B3GALT1: variants seen among roughly 807,000 people sequenced by gnomAD.
The protein encoded by B3GALT1 is UDP-Gal:betaGlcNAc beta 1,3-galactosyltransferase, polypeptide 1.
In B3GALT1, 10 loss-of-function variants were observed where a neutral mutation model predicts 23.2. The ratio of observed to expected loss-of-function variants is 0.43; its 90% CI spans 0.27 to 0.73. The LOEUF is 0.73. B3GALT1 is among the 30% of genes least tolerant of loss of function. The pLI, the probability that B3GALT1 is intolerant of heterozygous loss-of-function variation, is 0.21. For missense variants in B3GALT1, 299 were observed against 405.4 expected (o/e 0.74, Z 2.25); for synonymous variants, 156 against 141.5 (o/e 1.10, Z -0.73).
At chr2:167,763,188 T>C (rs535362072) in intron 3 of B3GALT1, among the ~76,000 whole-genome samples, 7 of 152,320 alleles carry the variant, frequency 4.6e-5, no homozygotes, top group Non-Finnish European at 8.8e-5. Context: ...GGGGTTATAC[T>C]AGGTATCTGA....
Position 167,677,218 on chromosome 2 carries a change from CT to C in B3GALT1, c.-352+30253del, listed in dbSNP as rs952789233. ...TTTTTGTGAAATGAGTAGATTATAGCTGTTCTTACAGGGGAGATGGGTAACT... is the reference window on the plus strand; with the variant it reads ...TTTTTGTGAAATGAGTAGATTATAGCGTTCTTACAGGGGAGATGGGTAACT... On this transcript the variant is annotated intron_variant, in intron 3 of 4. Transcript: ENST00000392690. Among the ~76,000 whole-genome samples the C allele has an allele frequency of 2.4e-4, 36 of 152,142 alleles. 1 individual carries two copies. Among genetic ancestry groups the C allele is most frequent in the Non-Finnish European group, 5.9e-5 (4 of 68,038 alleles).
chr2:167,384,513 A>G (rs1229369792), intron 1 of B3GALT1, among the ~76,000 whole-genome samples: 1 of 152,054 alleles, frequency 6.6e-6, no homozygotes, highest in Non-Finnish European at 1.5e-5. Context: ...CATACTTCCT[A>G]TATTCCCTGA....
intron 3 of B3GALT1, among the ~76,000 whole-genome samples, chr2:167,672,980 CTG>C (rs372054524): frequency 2.2e-4 from 31 of 143,952 alleles, no homozygotes; most frequent in African/African-American, 7.4e-4. Context: ...GAGAGAGAGA[CTG>C]TGTGTGTGTG....
At chr2:167,648,564 T>G (rs573683481) in intron 3 of B3GALT1, among the ~76,000 whole-genome samples, 1 of 152,252 alleles carries the variant, frequency 6.6e-6, no homozygotes, top group East Asian at 1.9e-4. Context: ...ATGTATAGAT[T>G]TCTCTTGTGT....
intron 1 of B3GALT1, among the ~76,000 whole-genome samples, chr2:167,362,267 G>A (rs552563126): frequency 3.3e-5 from 5 of 152,044 alleles, no homozygotes; most frequent in African/African-American, 7.2e-5. Context: ...ACAAGATAGG[G>A]TGATACATCA....
At chr2:167,802,358 C>T (rs78786223) in intron 3 of B3GALT1, among the ~76,000 whole-genome samples, 12,981 of 152,278 alleles carry the variant, frequency 0.085, 717 homozygotes, top group Middle Eastern at 0.2. Context: ...GAGCCAGCAC[C>T]TCACTGGCCC....
intron 1 of B3GALT1, among the ~76,000 whole-genome samples, chr2:167,447,976 G>A (rs1336388899): frequency 4.6e-5 from 7 of 152,134 alleles, no homozygotes; most frequent in South Asian, 2.1e-4. Context: ...GTTCCTATTC[G>A]GCCATCTTGG....
intron 1 of B3GALT1, among the ~76,000 whole-genome samples, chr2:167,459,702 T>C (rs1404663858): frequency 6.6e-6 from 1 of 152,160 alleles, no homozygotes; most frequent in African/African-American, 2.4e-5. Context: ...AGTTTTTTAT[T>C]TTTTCATATG....
intron 4 of B3GALT1, among the ~76,000 whole-genome samples, chr2:167,836,668 T>C (rs1689481929): frequency 6.6e-6 from 1 of 152,000 alleles, no homozygotes; most frequent in African/African-American, 2.4e-5. Context: ...ATTCAGGAAA[T>C]ACAGAGAACA....
chr2:167,826,838 T>C (rs904855942), intron 4 of B3GALT1, among the ~76,000 whole-genome samples: 23 of 152,372 alleles, frequency 1.5e-4, no homozygotes, highest in South Asian at 6.2e-4. Context: ...TTAGGTATTA[T>C]AACTAATCTA....
chr2:167,581,397 G>T (rs1227144), intron 2 of B3GALT1, among the ~76,000 whole-genome samples: 50,028 of 152,074 alleles, frequency 0.33, 9,202 homozygotes, highest in East Asian at 0.79. Flanking sequence ...TTCTCCACCT[G>T]ACTGTTCCAT....
intron 2 of B3GALT1, among the ~76,000 whole-genome samples, chr2:167,627,704 G>A (rs1685370921): frequency 6.6e-6 from 1 of 151,402 alleles, no homozygotes; most frequent in Admixed American, 6.6e-5. Flanking sequence ...GGAACAACTG[G>A]GTCATATGAG....
chr2:167,441,499 T>A (rs976783207), intron 1 of B3GALT1, among the ~76,000 whole-genome samples: 4 of 152,198 alleles, frequency 2.6e-5, no homozygotes, highest in Non-Finnish European at 5.9e-5. Flanking sequence ...TTTATACTGT[T>A]GTGAGTTCTT....
chr2:167,719,106 T>G (rs546044691), intron 3 of B3GALT1, among the ~76,000 whole-genome samples: 17 of 152,324 alleles, frequency 1.1e-4, no homozygotes, highest in South Asian at 8.3e-4. Context: ...ATTATAGCAG[T>G]CAAGGTCAAG....
At chr2:167,549,298 C>T (rs537031234) in intron 2 of B3GALT1, among the ~76,000 whole-genome samples, 1 of 152,158 alleles carries the variant, frequency 6.6e-6, no homozygotes, top group Non-Finnish European at 1.5e-5. Flanking sequence ...GGCTCATAAC[C>T]TGCATACTAA....
At chr2:167,395,413 G>C (rs947934762) in intron 1 of B3GALT1, among the ~76,000 whole-genome samples, 1 of 151,990 alleles carries the variant, frequency 6.6e-6, no homozygotes, top group African/African-American at 2.4e-5. Flanking sequence ...ATGGAGATTA[G>C]AATAATATGT....
At chr2:167,523,997 A>G (rs1683176782) in intron 2 of B3GALT1, among the ~76,000 whole-genome samples, 2 of 152,130 alleles carry the variant, frequency 1.3e-5, no homozygotes, top group South Asian at 4.1e-4. Context: ...TTATTCTTTT[A>G]TATATGTAGA....
At chr2:167,379,760 A>T (rs2689838) in intron 1 of B3GALT1, among the ~76,000 whole-genome samples, 1 of 152,196 alleles carries the variant, frequency 6.6e-6, no homozygotes, top group Non-Finnish European at 1.5e-5. Flanking sequence ...GGGCAGGTCC[A>T]CCTATAGGTC....
At chr2:167,502,754 A>G (rs1488943422) in intron 2 of B3GALT1, among the ~76,000 whole-genome samples, 1 of 152,174 alleles carries the variant, frequency 6.6e-6, no homozygotes, top group Admixed American at 6.5e-5. Context: ...AAAATTTGAC[A>G]TGAGGCCGGG....
Sources: allele counts gnomAD v4.1 joint callset (sites outside exome capture counted in the v4.1 genomes callset), GRCh38; gene constraint gnomAD v4.1.1; transcripts MANE v1.5; gene names NCBI Gene and HGNC (gene_info 2026-07-23, HGNC 2026-07-21).